PIK3C3: variants seen among roughly 807,000 people sequenced by gnomAD.
PIK3C3 encodes the protein PI3-kinase type 3.
PIK3C3 carries 95 observed loss-of-function variants against 126.1 expected under a neutral mutation model. The observed-to-expected ratio is 0.75, with a 90% CI of 0.64 to 0.89. The LOEUF is 0.89. Ranked by LOEUF, PIK3C3 falls within the 40% of genes least tolerant of loss-of-function variation. The pLI is 0.00. For missense variants in PIK3C3, 829 were observed against 1,063.2 expected, an observed-to-expected ratio of 0.78 and a Z score of 3.06; for synonymous variants, 374 against 360.0, an observed-to-expected ratio of 1.04 and a Z score of -0.44.
intron 16 of PIK3C3, 49 bp downstream of exon 16, chr18:42,034,006 G>C: frequency 7.4e-7 from 1 of 1,359,708 alleles, no homozygotes; most frequent in Non-Finnish European, 1.0e-6. Flanking sequence ...TAATTCTTAA[G>C]CTAGATCAGA....
At chr18:41,974,231 A>C (rs1980806714) in intron 4 of PIK3C3, among the ~76,000 whole-genome samples, 1 of 152,196 alleles carries the variant, frequency 6.6e-6, no homozygotes, top group Non-Finnish European at 1.5e-5. Context: ...ACTACAAGCC[A>C]GACTTAACCC....
chr18:42,029,101 A>G (rs1983703521), intron 14 of PIK3C3, among the ~76,000 whole-genome samples: 1 of 152,206 alleles, frequency 6.6e-6, no homozygotes, highest in Non-Finnish European at 1.5e-5. Flanking sequence ...ATAGACCAGT[A>G]TTTGCTGAAG....
intron 9 of PIK3C3, among the ~76,000 whole-genome samples, chr18:42,002,494 C>G (rs1982336307): frequency 6.6e-6 from 1 of 152,114 alleles, no homozygotes; most frequent in South Asian, 2.1e-4. Flanking sequence ...TACTCCCATT[C>G]TCTACAAAGA....
Position 42,054,160 on chromosome 18 carries a change from A to G in PIK3C3, c.2264-3723A>G, listed in dbSNP as rs1218604557. ...TATATATATATATATATATATATAT[A>G]TATATATATATATATATATATATAT... is the stretch of plus-strand genomic sequence containing the variant. On this transcript the variant is annotated intron_variant, in intron 21 of 24. Coordinates refer to ENST00000262039, the MANE Select transcript of PIK3C3 (RefSeq NM_002647.4). Among the ~76,000 whole-genome samples the G allele has an allele frequency of 2.0e-4, 9 of 44,292 alleles. 2 individuals are homozygous for G. Among genetic ancestry groups the G allele is most frequent in the East Asian group, 1.4e-3 (2 of 1,414 alleles). The allele number at this position is 44,292 out of a possible 152,430, so 29.1% of individuals were successfully genotyped here. A position where few individuals can be genotyped will look rare whatever the true frequency, so the allele number is the denominator to read the frequency against.
chr18:42,025,683 G>A (rs1338010987), intron 13 of PIK3C3: 1 of 152,184 alleles, frequency 6.6e-6, no homozygotes, highest in Non-Finnish European at 1.5e-5. Flanking sequence ...ATGACAAACA[G>A]TGTCTTGAAA....
At chr18:41,988,050 T>C (rs1981585085) in intron 5 of PIK3C3, 152 bp downstream of exon 5, 1 of 543,490 alleles carries the variant, frequency 1.8e-6, no homozygotes, top group African/African-American at 2.0e-5. Context: ...AACTGGAAAA[T>C]TGGAGATATC....
At chr18:42,076,131 T>TATATATGTAC (rs1568013636) in intron 24 of PIK3C3, among the ~76,000 whole-genome samples, 1 of 83,478 alleles carries the variant, frequency 1.2e-5, no homozygotes, top group Non-Finnish European at 2.1e-5. Flanking sequence ...TGCGCATATA[T>TATATATGTAC]ATATATATAT....
At chr18:42,035,409 T>C (rs1475295734) in intron 16 of PIK3C3, among the ~76,000 whole-genome samples, 2 of 152,120 alleles carry the variant, frequency 1.3e-5, no homozygotes, top group African/African-American at 4.8e-5. Flanking sequence ...AAGAGTGGAC[T>C]ATAAGAAGAT....
At chr18:42,010,178 A>G (rs924453551) in intron 10 of PIK3C3, among the ~76,000 whole-genome samples, 10 of 152,172 alleles carry the variant, frequency 6.6e-5, no homozygotes, top group African/African-American at 2.2e-4. Context: ...CAATGTTCAC[A>G]GCATCTTCAC....
Position 42,033,961 on chromosome 18 carries a change from A to G in PIK3C3, c.1839+4A>G. 6.3e-7 allele frequency: 1 copy of G among 1,579,382 alleles called. No individual in the cohort carries two copies. The highest frequency in any genetic ancestry group is 8.6e-7 in the Non-Finnish European group (1 of 1,164,362). On this transcript the variant is annotated splice_donor_region_variant and intron_variant, in intron 16 of 24. Transcript: ENST00000262039. ...GGAAACAGCTACACTGTTTAAAGTAATTGTGATGGATATTTAATGTGTATG... is the reference window on the plus strand; with the variant it reads ...GGAAACAGCTACACTGTTTAAAGTAGTTGTGATGGATATTTAATGTGTATG...
chr18:41,973,725 A>G (rs1980781251), intron 4 of PIK3C3, among the ~76,000 whole-genome samples: 1 of 152,144 alleles, frequency 6.6e-6, no homozygotes, highest in South Asian at 2.1e-4. Flanking sequence ...TATTAGGTAT[A>G]ATAAACTTTT....
rs201911339 is a variant in PIK3C3 at position 42,076,641 on chromosome 18, GT to G, written c.2650-4479del. On this transcript the variant is annotated intron_variant, in intron 24 of 24. Coordinates refer to ENST00000262039, the MANE Select transcript of PIK3C3 (RefSeq NM_002647.4). ...TACAGGCACTTGCTATATGACAAATGTTTGCAGCTTGTAAGATTAGTTAATT... is the reference window on the plus strand; with the variant it reads ...TACAGGCACTTGCTATATGACAAATGTTGCAGCTTGTAAGATTAGTTAATT... 3.5e-3 allele frequency among the ~76,000 whole-genome samples: 539 copies of G among 152,314 alleles called. 4 individuals are homozygous for G. Among genetic ancestry groups the G allele is most frequent in the African/African-American group, 0.013 (522 of 41,570 alleles).
chr18:42,065,713 T>C (rs1222678588), intron 23 of PIK3C3, among the ~76,000 whole-genome samples: 4 of 151,926 alleles, frequency 2.6e-5, no homozygotes, highest in Admixed American at 1.3e-4. Context: ...AGATGGGGAT[T>C]TTTTTTTAGT....
rs545965551 is a variant in PIK3C3, at chr18:42,083,522, T to G, written c.*2385T>G. On this transcript the variant is annotated 3_prime_UTR_variant, in exon 25 of 25. Coordinates refer to ENST00000262039, the MANE Select transcript of PIK3C3 (RefSeq NM_002647.4). ...TGCCAAATAAAGGGTCATACAGCCT[T>G]GCTTTTTGCTGGAGTTAGCAAAAAT... The G allele has an allele frequency of 2.8e-4, 43 of 152,298 alleles. No homozygotes were observed. The highest frequency in any genetic ancestry group is 3.4e-3 in the Middle Eastern group (1 of 294). 9.4% of individuals were successfully genotyped at this position (152,298 alleles called of 1,614,324 possible). A position where few individuals can be genotyped will look rare whatever the true frequency, so the allele number is the denominator to read the frequency against.
At chr18:42,068,136 C>A (rs1236120822) in intron 24 of PIK3C3, among the ~76,000 whole-genome samples, 1 of 152,220 alleles carries the variant, frequency 6.6e-6, no homozygotes, top group African/African-American at 2.4e-5. Context: ...TTTTCCTAAT[C>A]ATCCAAGCTT....
At chr18:41,958,073 G>A (rs571735060) in intron 2 of PIK3C3, among the ~76,000 whole-genome samples, 2 of 152,288 alleles carry the variant, frequency 1.3e-5, no homozygotes, top group African/African-American at 4.8e-5. Context: ...GCTCTTGAAT[G>A]CATAAATACT....
rs1568013588 is a variant in PIK3C3, at chr18:42,076,123, C to CACATATATATATATATATATATATAT, written c.2650-5000_2650-4999insACATATATATATATATATATATATAT. Among the ~76,000 whole-genome samples the CACATATATATATATATATATATATAT allele has an allele frequency of 5.6e-4, 17 of 30,248 alleles. 1 individual carries two copies. The highest frequency in any genetic ancestry group is 2.7e-3 in the African/African-American group (17 of 6,262). 19.8% of individuals were successfully genotyped at this position (30,248 alleles called of 152,430 possible). On this transcript the variant is annotated intron_variant, in intron 24 of 24. Transcript: ENST00000262039. ...ATATATATATATATATATATATATGCGCATATATATATATATATATGCGCA... is the reference window on the plus strand; with the variant it reads ...ATATATATATATATATATATATATGCACATATATATATATATATATATATATGCATATATATATATATATATGCGCA...
At chr18:42,002,065 A>G (rs1354945533) in intron 9 of PIK3C3, among the ~76,000 whole-genome samples, 3 of 152,228 alleles carry the variant, frequency 2.0e-5, no homozygotes, top group Non-Finnish European at 4.4e-5. Flanking sequence ...AAAAATGCCC[A>G]CAAAAACATT....
chr18:42,079,579 TA>T (rs11380691), intron 24 of PIK3C3, among the ~76,000 whole-genome samples: 2 of 150,900 alleles, frequency 1.3e-5, no homozygotes, highest in Non-Finnish European at 3.0e-5. Flanking sequence ...TTCAATTTGT[TA>T]AAAAAAAACA....
Sources: allele counts gnomAD v4.1 joint callset (sites outside exome capture counted in the v4.1 genomes callset), GRCh38; gene constraint gnomAD v4.1.1; transcripts MANE v1.5; gene names NCBI Gene and HGNC (gene_info 2026-07-23, HGNC 2026-07-21).